Variants in HOMER2 observed in about 807,000 individuals in gnomAD.
HOMER2 encodes homer scaffold protein 2.
HOMER2 carries 27 observed loss-of-function variants against 47.0 expected under a neutral mutation model. The observed-to-expected ratio is 0.57, with a 90% CI of 0.42 to 0.79. The LOEUF (loss-of-function observed/expected upper bound fraction) is 0.79. Ranked by LOEUF, HOMER2 falls within the 30% of genes least tolerant of loss-of-function variation. HOMER2 has a pLI of 0.00. For missense variants in HOMER2, 443 were observed against 435.0 expected (o/e 1.02, Z -0.16); for synonymous variants, 161 against 163.8 (o/e 0.98, Z 0.13).
At chr15:82,902,176 G>A (rs970328649) in intron 1 of HOMER2, among the ~76,000 whole-genome samples, 3 of 149,866 alleles carry the variant, frequency 2.0e-5, no homozygotes, top group Non-Finnish European at 3.0e-5. Flanking sequence ...CACAAGCTAA[G>A]AACTGGAAAA....
chr15:82,904,984 G>C (rs943968433), intron 1 of HOMER2, among the ~76,000 whole-genome samples: 1 of 152,132 alleles, frequency 6.6e-6, no homozygotes, highest in East Asian at 1.9e-4. Flanking sequence ...ATCAGACCAG[G>C]AATTTTTTTA....
intron 1 of HOMER2, among the ~76,000 whole-genome samples, chr15:82,903,634 A>C (rs1596338830): frequency 1.3e-5 from 2 of 151,756 alleles, no homozygotes; most frequent in African/African-American, 4.8e-5. Context: ...ACACACACAC[A>C]CGGCAACAAG....
In HOMER2 at chr15:82,952,539, CG is replaced by C; in HGVS notation, c.-5del. The C allele has an allele frequency of 8.4e-7, 1 of 1,183,784 alleles. No homozygotes were observed. Among genetic ancestry groups the C allele is most frequent in the Non-Finnish European group, 1.0e-6 (1 of 956,954 alleles). The allele number at this position is 1,183,784 out of a possible 1,614,324, so 73.3% of individuals were successfully genotyped here. On this transcript the variant is annotated 5_prime_UTR_variant, in exon 1 of 9. Coordinates refer to ENST00000450735, the MANE Select transcript of HOMER2 (RefSeq NM_004839.4). Reference sequence around the variant, plus strand: ...GGCGCGGGCTCACTCACCCCATCTCCGGCGCTGCTCCGGCGGCCGCTCCGAC... The same window carrying C: ...GGCGCGGGCTCACTCACCCCATCTCCGCGCTGCTCCGGCGGCCGCTCCGAC...
intron 1 of HOMER2, among the ~76,000 whole-genome samples, chr15:82,909,369 T>C (rs1596344711): frequency 6.6e-6 from 1 of 152,230 alleles, no homozygotes; most frequent in Non-Finnish European, 1.5e-5. Flanking sequence ...TACTGCTGTG[T>C]CTTTCCCCTG....
At chr15:82,896,063 T>C (rs1439176655) in intron 1 of HOMER2, among the ~76,000 whole-genome samples, 1 of 151,940 alleles carries the variant, frequency 6.6e-6, no homozygotes, top group Non-Finnish European at 1.5e-5. Context: ...CAGAAAGTTC[T>C]CCCACAGCTG....
chr15:82,854,490 G>C (rs1716114070), intron 6 of HOMER2, among the ~76,000 whole-genome samples, 154 bp downstream of exon 6: 1 of 152,196 alleles, frequency 6.6e-6, no homozygotes, highest in South Asian at 2.1e-4. Context: ...AGGCAGGGAG[G>C]GGGAGGGACG....
intron 1 of HOMER2, among the ~76,000 whole-genome samples, chr15:82,922,522 C>G (rs1026078688): frequency 6.6e-6 from 1 of 152,208 alleles, no homozygotes; most frequent in African/African-American, 2.4e-5. Flanking sequence ...CTTTACATAG[C>G]CCAGCGGCAC....
At chr15:82,874,415 A>G (rs2052276918) in intron 3 of HOMER2, among the ~76,000 whole-genome samples, 1 of 152,204 alleles carries the variant, frequency 6.6e-6, no homozygotes, top group South Asian at 2.1e-4. Context: ...CTACCACCCT[A>G]AAAGGAAATG....
chr15:82,860,956 TGAGAGAGAGAGA>T (rs56063630), intron 4 of HOMER2, among the ~76,000 whole-genome samples: 1 of 42,386 alleles, frequency 2.4e-5, no homozygotes, highest in Non-Finnish European at 4.9e-5. Flanking sequence ...AGATAGAAGA[TGAGAGAGAGAGA>T]GAGAGAGAGA....
intron 1 of HOMER2, among the ~76,000 whole-genome samples, chr15:82,907,595 A>C (rs1332504068): frequency 6.6e-5 from 10 of 152,196 alleles, no homozygotes. Context: ...AAATCAGTAC[A>C]TAGTTGAACT....
At chr15:82,981,455 T>C (rs2030394492) in intron 1 of HOMER2, among the ~76,000 whole-genome samples, 1 of 152,212 alleles carries the variant, frequency 6.6e-6, no homozygotes, top group Non-Finnish European at 1.5e-5. Flanking sequence ...ACTACAGTGG[T>C]TCCTCAGAAA....
intron 1 of HOMER2, among the ~76,000 whole-genome samples, chr15:82,932,028 A>C (rs1036962761): frequency 6.6e-6 from 1 of 152,182 alleles, no homozygotes; most frequent in Non-Finnish European, 1.5e-5. Flanking sequence ...GGGTGAGGGG[A>C]AGACAGGACT....
chr15:82,910,873 A>G (rs541677379), intron 1 of HOMER2, among the ~76,000 whole-genome samples: 3 of 152,286 alleles, frequency 2.0e-5, no homozygotes, highest in African/African-American at 7.2e-5. Flanking sequence ...TCAGGGTCAA[A>G]GTTAAACAAG....
intron 1 of HOMER2, among the ~76,000 whole-genome samples, chr15:82,901,338 C>T (rs1029490105): frequency 7.9e-5 from 12 of 151,952 alleles, no homozygotes; most frequent in Admixed American, 1.3e-4. Context: ...TCTCTGAGGA[C>T]GCAGGATAGG....
At chr15:82,921,085 A>C (rs942383486) in intron 1 of HOMER2, among the ~76,000 whole-genome samples, 4 of 152,306 alleles carry the variant, frequency 2.6e-5, no homozygotes, top group African/African-American at 9.6e-5. Context: ...ACCTGAGGTC[A>C]GGAGTTCAAG....
At chr15:82,876,030 G>A (rs1452142266) in intron 2 of HOMER2, among the ~76,000 whole-genome samples, 1 of 152,194 alleles carries the variant, frequency 6.6e-6, no homozygotes, top group African/African-American at 2.4e-5. Context: ...AAGAATGAGG[G>A]GATGGAGAGG....
At chr15:82,875,230 ATC>A in intron 3 of HOMER2, 41 bp downstream of exon 3, 1 of 1,604,378 alleles carries the variant, frequency 6.2e-7, no homozygotes, top group Non-Finnish European at 8.5e-7. Context: ...TGAGAATGGC[ATC>A]TGATGCGGGA....
At chr15:82,952,469 G>T in intron 1 of HOMER2, 62 bp downstream of exon 1, 1 of 1,118,782 alleles carries the variant, frequency 8.9e-7, no homozygotes, top group Non-Finnish European at 1.1e-6. Context: ...GGTTACGCCA[G>T]CCGCGGCCCC....
At chr15:82,897,860 A>G (rs1242266587) in intron 1 of HOMER2, among the ~76,000 whole-genome samples, 1 of 152,224 alleles carries the variant, frequency 6.6e-6, no homozygotes, top group Admixed American at 6.5e-5. Context: ...ACCCTGGTCA[A>G]CACCTTGATT....
Sources: gnomAD v4.1 joint callset for allele counts (sites outside exome capture counted in the v4.1 genomes callset) on GRCh38, gnomAD v4.1.1 for gene constraint, MANE v1.5 for transcripts, NCBI Gene and HGNC (gene_info 2026-07-23, HGNC 2026-07-21) for gene names.